Variants in USH2A observed in about 807,000 individuals in gnomAD.
USH2A encodes Usher syndrome 2A (autosomal recessive, mild).
A neutral mutation model predicts 538.9 loss-of-function variants in USH2A; 443 were observed. The observed-to-expected ratio is 0.82, with a 90% CI of 0.76 to 0.89. The LOEUF is 0.89. Ranked by LOEUF, USH2A falls within the 40% of genes least tolerant of loss-of-function variation. The probability of loss-of-function intolerance (pLI) is 0.00; values close to 1 mark genes in which losing one functional copy is unlikely to be tolerated. For synonymous variants in USH2A, 2,413 were observed against 2,273.5 expected (o/e 1.06, Z -1.75); for missense variants, 6,633 against 6,324.8 (o/e 1.05, Z -1.65).
At chr1:216,377,911 AAG>A (rs1414770861) in intron 3 of USH2A, among the ~76,000 whole-genome samples, 1 of 151,674 alleles carries the variant, frequency 6.6e-6, no homozygotes, top group Non-Finnish European at 1.5e-5. Context: ...AAGAGAAAGA[AAG>A]AGAAAGAAAG....
At chr1:215,817,874 T>C (rs946650137) in intron 47 of USH2A, among the ~76,000 whole-genome samples, 3 of 151,962 alleles carry the variant, frequency 2.0e-5, no homozygotes, top group Admixed American at 2.0e-4. Flanking sequence ...CACTTACATG[T>C]AGATTTTCTT....
rs1456443971 is a variant in USH2A, at chr1:215,888,585, A to G, written c.8064T>C (p.Ser2688=). Residue 2688 remains serine (S), a synonymous_variant, in exon 41 of 72, where the codon TCT becomes TCC. Transcript: ENST00000307340. ...SHSMRFIDKT[S]ALSPWTKYEY... is the part of the protein sequence containing the mutation. ...CATATTTTGTCCATGGGCTAAGAGC[A>G]GAAGTCTTGTCAATAAACCTCATGG... is the stretch of plus-strand genomic sequence containing the variant. The G allele has an allele frequency of 1.9e-6, 3 of 1,614,200 alleles. No homozygotes were observed. The South Asian group carries it at 3.3e-5, about 18-fold the overall frequency.
chr1:216,191,077 G>A (rs1291821079), intron 19 of USH2A, among the ~76,000 whole-genome samples: 1 of 152,004 alleles, frequency 6.6e-6, no homozygotes, highest in Non-Finnish European at 1.5e-5. Flanking sequence ...TTAACATTGA[G>A]AGTTGGTTCT....
intron 32 of USH2A, among the ~76,000 whole-genome samples, chr1:216,027,451 C>T: frequency 6.6e-6 from 1 of 152,120 alleles, no homozygotes; most frequent in East Asian, 1.9e-4. Flanking sequence ...GTCATGGCAG[C>T]CCTAGCTAAC....
intron 4 of USH2A, among the ~76,000 whole-genome samples, chr1:216,345,408 C>A (rs752284424): frequency 8.5e-5 from 13 of 152,198 alleles, no homozygotes; most frequent in Admixed American, 3.3e-4. Flanking sequence ...TGCAGCTTGG[C>A]CCCCAGGGCT....
chr1:215,747,072 G>A (rs1291245517), intron 58 of USH2A, among the ~76,000 whole-genome samples: 1 of 152,204 alleles, frequency 6.6e-6, no homozygotes, highest in Non-Finnish European at 1.5e-5. Context: ...TGAACCAACT[G>A]TAGGACACAA....
chr1:215,685,907 A>AT (rs1658410231), intron 61 of USH2A, among the ~76,000 whole-genome samples: 1 of 152,134 alleles, frequency 6.6e-6, no homozygotes, highest in Non-Finnish European at 1.5e-5. Context: ...ACGTACATGC[A>AT]GAGTTGCTCC....
At chr1:216,002,416 G>A (rs981076973) in intron 32 of USH2A, among the ~76,000 whole-genome samples, 2 of 152,012 alleles carry the variant, frequency 1.3e-5, no homozygotes, top group African/African-American at 4.8e-5. Flanking sequence ...AGAGAAGCTG[G>A]GGATTTGACT....
chr1:216,239,311 G>A (rs1012846801), intron 13 of USH2A, among the ~76,000 whole-genome samples: 8 of 152,016 alleles, frequency 5.3e-5, no homozygotes, highest in Middle Eastern at 6.3e-3. Context: ...AACGCTTTTC[G>A]TAAGTGTTGT....
At chr1:215,691,847 G>A (rs1658623254) in intron 61 of USH2A, among the ~76,000 whole-genome samples, 1 of 152,166 alleles carries the variant, frequency 6.6e-6, no homozygotes, top group East Asian at 1.9e-4. Context: ...AGAAGCGAAT[G>A]TAGAGTGAAG....
At chr1:215,758,143 G>T (rs951361398) in intron 58 of USH2A, among the ~76,000 whole-genome samples, 1 of 151,964 alleles carries the variant, frequency 6.6e-6, no homozygotes, top group Admixed American at 6.6e-5. Flanking sequence ...AAAATTAGCC[G>T]GGCATGGTGG....
intron 21 of USH2A, among the ~76,000 whole-genome samples, chr1:216,119,582 G>A (rs2033083625): frequency 6.6e-6 from 1 of 151,978 alleles, no homozygotes; most frequent in Non-Finnish European, 1.5e-5. Flanking sequence ...TTTGGTAAAA[G>A]ATGATGTATT....
chr1:216,072,888 C>T lies in USH2A; in HGVS notation c.5857+1G>A. 1.2e-6 allele frequency: 2 copies of T among 1,613,498 alleles called. No homozygotes were observed. Among genetic ancestry groups the T allele is most frequent in the Non-Finnish European group, 1.7e-6 (2 of 1,179,544 alleles). ...ATATGCATTTGAAGATAAGTATTTA[C>T]CTGCTCCTGTTGTACGTCCTCGACT... On this transcript the variant is annotated splice_donor_variant, in intron 29 of 71. Transcript: ENST00000307340. LOFTEE classifies it high-confidence loss of function.
In USH2A at chr1:216,422,124, A is replaced by G. The variant is rs767106637; in HGVS notation, c.213T>C (p.Ala71=). Residue 71 remains alanine, a synonymous_variant, in exon 2 of 72, where the codon GCT becomes GCC. Transcript: ENST00000307340. ...TACAGAACTGAATACTTTCAGCAGC[A>G]GCAGAGCTGTGACAAAAAGTGCTTC... ...PDRSTFCHSS[A]AAESIQFCTQ... 1 of 1,613,866 alleles carries G rather than the reference A, an allele frequency of 6.2e-7. No individual in the cohort carries two copies. The highest frequency in any genetic ancestry group is 8.5e-7 in the Non-Finnish European group (1 of 1,179,902).
At chr1:216,153,474 TC>T (rs2033879736) in intron 21 of USH2A, among the ~76,000 whole-genome samples, 1 of 152,172 alleles carries the variant, frequency 6.6e-6, no homozygotes, top group South Asian at 2.1e-4. Context: ...CAGGGAATTC[TC>T]CCATTTCACT....
chr1:216,012,923 T>G (rs538119664), intron 32 of USH2A, among the ~76,000 whole-genome samples: 76 of 152,270 alleles, frequency 5.0e-4, no homozygotes, highest in Non-Finnish European at 9.4e-4. Flanking sequence ...CTAGTCATAC[T>G]CCTATTCACC....
Position 216,000,504 on chromosome 1 carries a change from A to G in USH2A, c.6384T>C (p.Cys2128=), listed in dbSNP as rs762173002. The change falls in exon 33 of 72, where the codon TGT becomes TGC. Residue 2128 remains cysteine (C), a synonymous_variant. Coordinates refer to ENST00000307340, the MANE Select transcript of USH2A (RefSeq NM_206933.4). ...FLLSACTHVG[C]TNSSWVLLYT... is the part of the protein sequence containing the mutation. ...ACAGTAGGACCCAGGAACTGTTTGT[A>G]CAGCCCACATGTGTGCATGCACTTA... The G allele has an allele frequency of 6.2e-7, 1 of 1,613,692 alleles. No individual in the cohort carries two copies. Among genetic ancestry groups the G allele is most frequent in the South Asian group, 1.1e-5 (1 of 91,074 alleles).
chr1:216,170,632 T>A (rs2034258777), intron 21 of USH2A, among the ~76,000 whole-genome samples: 1 of 152,016 alleles, frequency 6.6e-6, no homozygotes, highest in African/African-American at 2.4e-5. Context: ...CCCCAAATGA[T>A]CATGGACCTG....
chr1:216,257,934 A>T (rs1335259932), intron 11 of USH2A, among the ~76,000 whole-genome samples: 1 of 151,932 alleles, frequency 6.6e-6, no homozygotes, highest in Admixed American at 6.6e-5. Context: ...CCATATTTTT[A>T]TGTAGCTTTT....
Sources: gnomAD v4.1 joint callset for allele counts (sites outside exome capture counted in the v4.1 genomes callset) on GRCh38, gnomAD v4.1.1 for gene constraint, MANE v1.5 for transcripts, NCBI Gene and HGNC (gene_info 2026-07-23, HGNC 2026-07-21) for gene names.